The following ARHGAP17 variants were observed in gnomAD, a reference collection of about 807,000 sequenced individuals.
ARHGAP17 encodes Rho GTPase activating protein 17.
Under a neutral mutation model 99.5 loss-of-function variants are expected in ARHGAP17, and 57 were observed. The ratio of observed to expected loss-of-function variants is 0.57; its 90% CI spans 0.46 to 0.71. The LOEUF (loss-of-function observed/expected upper bound fraction) is 0.71. ARHGAP17 is among the 30% of genes least tolerant of loss of function. The pLI is 0.00. For missense variants in ARHGAP17, 1,000 were observed against 1,122.4 expected (o/e 0.89, Z 1.56); for synonymous variants, 417 against 429.6 (o/e 0.97, Z 0.36).
intron 3 of ARHGAP17, among the ~76,000 whole-genome samples, chr16:24,971,128 C>T (rs2052348904): frequency 1.3e-5 from 2 of 152,096 alleles, no homozygotes; most frequent in Admixed American, 6.6e-5. Context: ...CCTCAGCCTC[C>T]CAAAGTGTTG....
intron 1 of ARHGAP17, among the ~76,000 whole-genome samples, chr16:24,987,273 C>G (rs1003490230): frequency 6.6e-6 from 1 of 152,148 alleles, no homozygotes; most frequent in Non-Finnish European, 1.5e-5. Flanking sequence ...AATTATCGTA[C>G]GTCATGAACT....
intron 16 of ARHGAP17, among the ~76,000 whole-genome samples, chr16:24,940,443 A>T (rs1205041144): frequency 6.6e-6 from 1 of 152,242 alleles, no homozygotes; most frequent in Non-Finnish European, 1.5e-5. Flanking sequence ...CTGTAATCTT[A>T]GCACTTTGGG....
intron 1 of ARHGAP17, 60 bp downstream of exon 1, chr16:25,015,148 CG>C (rs1241272121): frequency 5.8e-6 from 7 of 1,211,988 alleles, no homozygotes; most frequent in Admixed American, 9.0e-5. Flanking sequence ...GTCCCGCCCC[CG>C]CGCCCTCCGC....
chr16:24,936,047 C>T (rs574277570), intron 17 of ARHGAP17: 90 of 307,182 alleles, frequency 2.9e-4, no homozygotes, highest in Non-Finnish European at 4.1e-4. Context: ...GCAACCAATG[C>T]GGAGTTTTCA....
At chr16:24,983,294 C>T (rs1185056941) in intron 1 of ARHGAP17, among the ~76,000 whole-genome samples, 1 of 150,922 alleles carries the variant, frequency 6.6e-6, no homozygotes, top group Non-Finnish European at 1.5e-5. Context: ...CATGAGCCAC[C>T]GTACGCGGCC....
intron 1 of ARHGAP17, among the ~76,000 whole-genome samples, chr16:24,982,975 T>TAA (rs2052721431): frequency 5.1e-5 from 1 of 19,720 alleles, no homozygotes; most frequent in Non-Finnish European, 9.5e-5. Context: ...CATATATATA[T>TAA]ATATATATAT....
intron 19 of ARHGAP17, among the ~76,000 whole-genome samples, chr16:24,922,251 T>C (rs758670607): frequency 1.6e-4 from 25 of 152,250 alleles, no homozygotes; most frequent in South Asian, 6.2e-4. Context: ...GGAACCGACA[T>C]GACTTGGCGG....
rs1298077907 is a variant in ARHGAP17, at chr16:24,930,816, T to C, written c.2483A>G (p.Asn828Ser). ...TATCTTGGAAGCTGTTGGTGCTGTGTTGGTGAGGCTGCTGTCCCCAGCTGA... is the reference window on the plus strand; with the variant it reads ...TATCTTGGAAGCTGTTGGTGCTGTGCTGGTGAGGCTGCTGTCCCCAGCTGA... ...VHSAGDSSLT[N>S]TAPTASKIVT... The change falls in exon 19 of 20, where the codon AAC becomes AGC. Residue 828 changes from asparagine to serine, a missense_variant. Asn to Ser is a conservative substitution (Grantham distance 46). Around this residue, in one of 2 missense-constraint regions of ARHGAP17, gnomAD observed 528 missense variants for 511.4 expected, o/e 1.03. Coordinates refer to ENST00000289968, the MANE Select transcript of ARHGAP17 (RefSeq NM_001006634.3). 4.3e-6 allele frequency: 7 copies of C among 1,614,050 alleles called. No homozygotes were observed. The highest frequency in any genetic ancestry group is 2.2e-5 in the East Asian group (1 of 44,870).
intron 19 of ARHGAP17, among the ~76,000 whole-genome samples, chr16:24,922,879 G>C (rs1374018300): frequency 1.3e-5 from 2 of 151,916 alleles, no homozygotes; most frequent in Non-Finnish European, 2.9e-5. Context: ...GTTTCACCAT[G>C]TTGACTGGGC....
At chr16:24,970,010 T>C (rs1448266023) in intron 4 of ARHGAP17, among the ~76,000 whole-genome samples, 5 of 152,058 alleles carry the variant, frequency 3.3e-5, no homozygotes, top group Non-Finnish European at 7.4e-5. Flanking sequence ...AAAAACTGCT[T>C]TGTTCTTACT....
intron 1 of ARHGAP17, among the ~76,000 whole-genome samples, chr16:24,983,329 G>T (rs1270205727): frequency 6.6e-6 from 1 of 150,528 alleles, no homozygotes; most frequent in African/African-American, 2.4e-5. Flanking sequence ...TTAAGACAAG[G>T]TTTTGCTCTA....
chr16:24,956,858 A>T (rs1003340868), intron 9 of ARHGAP17: 1 of 152,198 alleles, frequency 6.6e-6, no homozygotes, highest in Non-Finnish European at 1.5e-5. Flanking sequence ...GGCACAATTC[A>T]AGAGGCAAAG....
At chr16:24,988,015 T>C (rs1449016135) in intron 1 of ARHGAP17, among the ~76,000 whole-genome samples, 2 of 152,208 alleles carry the variant, frequency 1.3e-5, no homozygotes, top group African/African-American at 4.8e-5. Flanking sequence ...GTGGATTTCA[T>C]TCTGCTGGGA....
intron 1 of ARHGAP17, among the ~76,000 whole-genome samples, chr16:25,011,267 C>T (rs2053636201): frequency 6.6e-6 from 1 of 152,168 alleles, no homozygotes. Context: ...TGACTCCAGT[C>T]CATTTCTGGG....
intron 3 of ARHGAP17, among the ~76,000 whole-genome samples, chr16:24,972,222 G>A (rs2052388118): frequency 6.6e-6 from 1 of 152,174 alleles, no homozygotes; most frequent in Non-Finnish European, 1.5e-5. Context: ...TCTGGAGGAG[G>A]GAACTGGGTG....
chr16:25,014,041 A>C (rs569687910), intron 1 of ARHGAP17: 1 of 152,358 alleles, frequency 6.6e-6, no homozygotes, highest in South Asian at 2.1e-4. Flanking sequence ...CACCACAATA[A>C]TACGGTAGGG....
At chr16:24,927,052 C>A (rs574937516) in intron 19 of ARHGAP17, among the ~76,000 whole-genome samples, 78 of 152,234 alleles carry the variant, frequency 5.1e-4, no homozygotes, top group Non-Finnish European at 9.8e-4. Context: ...GGCCGGATCA[C>A]CTAAGGTCAG....
intron 14 of ARHGAP17, among the ~76,000 whole-genome samples, chr16:24,944,486 A>G (rs1280897778): frequency 6.6e-6 from 1 of 152,182 alleles, no homozygotes; most frequent in Non-Finnish European, 1.5e-5. Flanking sequence ...AGAGGGTTGC[A>G]CTTTCCCACT....
intron 3 of ARHGAP17, among the ~76,000 whole-genome samples, chr16:24,973,902 T>C (rs1415757144): frequency 6.6e-6 from 1 of 152,112 alleles, no homozygotes; most frequent in Non-Finnish European, 1.5e-5. Flanking sequence ...TGAGGGACAG[T>C]GACATATTTG....
Sources: gnomAD v4.1 joint callset for allele counts (sites outside exome capture counted in the v4.1 genomes callset) on GRCh38, gnomAD v4.1.1 for gene constraint, gnomAD v4.1.1 regional missense constraint, MANE v1.5 for transcripts, NCBI Gene and HGNC (gene_info 2026-07-23, HGNC 2026-07-21) for gene names.